Variants in MAP3K20 observed in about 807,000 individuals in gnomAD.
MAP3K20 encodes the protein HCCS-4.
In MAP3K20, 40 loss-of-function variants were observed where a neutral mutation model predicts 85.7. The observed-to-expected ratio is 0.47, with a 90% CI of 0.36 to 0.61. The LOEUF (loss-of-function observed/expected upper bound fraction) is 0.61. Among genes scored for constraint, MAP3K20 ranks in the 20% least tolerant of loss-of-function variants. The pLI is 0.00. For synonymous variants in MAP3K20, 325 were observed against 327.7 expected (o/e 0.99, Z 0.09); for missense variants, 817 against 961.7 (o/e 0.85, Z 1.99).
intron 16 of MAP3K20, among the ~76,000 whole-genome samples, chr2:173,255,621 G>A (rs1385889726): frequency 3.3e-5 from 5 of 152,176 alleles, no homozygotes; most frequent in East Asian, 1.9e-4. Context: ...ACACAGAGCC[G>A]TTCTGACGGT....
At chr2:173,221,419 G>C (rs1426186322) in intron 11 of MAP3K20, 1 of 1,613,956 alleles carries the variant, frequency 6.2e-7, no homozygotes, top group African/African-American at 1.3e-5. Flanking sequence ...AGAGAAGGGG[G>C]AAGAAAGTCA....
At chr2:173,120,345 T>C (rs1337848686) in intron 2 of MAP3K20, among the ~76,000 whole-genome samples, 1 of 152,072 alleles carries the variant, frequency 6.6e-6, no homozygotes, top group East Asian at 1.9e-4. Flanking sequence ...GAACCTCTAT[T>C]CTTGGGCATA....
chr2:173,102,703 T>C (rs75077208), intron 2 of MAP3K20, among the ~76,000 whole-genome samples: 5,326 of 152,260 alleles, frequency 0.035, 337 homozygotes, highest in African/African-American at 0.12. Context: ...TTCCAGAGAT[T>C]GTATTCAGCA....
At chr2:173,256,215 A>G (rs1480259957) in intron 16 of MAP3K20, among the ~76,000 whole-genome samples, 1 of 152,214 alleles carries the variant, frequency 6.6e-6, no homozygotes, top group Admixed American at 6.5e-5. Context: ...GCCTTTCCAT[A>G]TGAATTATGT....
At chr2:173,147,172 A>G (rs1047080874) in intron 2 of MAP3K20, among the ~76,000 whole-genome samples, 1 of 152,162 alleles carries the variant, frequency 6.6e-6, no homozygotes, top group Non-Finnish European at 1.5e-5. Flanking sequence ...CACTTTCTTG[A>G]TAATATCTAT....
chr2:173,183,435 AGATTT>A (rs924224561), intron 4 of MAP3K20, among the ~76,000 whole-genome samples: 2 of 152,196 alleles, frequency 1.3e-5, no homozygotes, highest in African/African-American at 4.8e-5. Context: ...AAAGCAATTC[AGATTT>A]TATTTTACAT....
intron 2 of MAP3K20, among the ~76,000 whole-genome samples, chr2:173,098,500 A>G (rs770925099): frequency 6.6e-6 from 1 of 152,230 alleles, no homozygotes; most frequent in Non-Finnish European, 1.5e-5. Flanking sequence ...TAAGATACAG[A>G]TGAAACATAA....
intron 2 of MAP3K20, among the ~76,000 whole-genome samples, chr2:173,145,465 T>C (rs1260570448): frequency 6.6e-6 from 1 of 152,172 alleles, no homozygotes; most frequent in Non-Finnish European, 1.5e-5. Context: ...GGTAGAGGAT[T>C]AGAATAGTCA....
At chr2:173,220,199 G>A (rs1293208394) in intron 11 of MAP3K20, among the ~76,000 whole-genome samples, 1 of 151,920 alleles carries the variant, frequency 6.6e-6, no homozygotes, top group African/African-American at 2.4e-5. Flanking sequence ...GCCTTGATTT[G>A]CTTGTTTCTC....
intron 10 of MAP3K20, among the ~76,000 whole-genome samples, chr2:173,216,137 G>A (rs1241692095): frequency 2.0e-5 from 3 of 152,196 alleles, no homozygotes; most frequent in Non-Finnish European, 4.4e-5. Context: ...TCAAGGGAAA[G>A]AGCTTCCAGT....
At chr2:173,226,793 C>G (rs1374386326) in intron 11 of MAP3K20, 1 of 983,722 alleles carries the variant, frequency 1.0e-6, no homozygotes, top group Admixed American at 6.2e-5. Flanking sequence ...AATTTTTGTA[C>G]TAAATAATAG....
chr2:173,086,485 C>G (rs1275369324), intron 1 of MAP3K20, among the ~76,000 whole-genome samples: 1 of 152,072 alleles, frequency 6.6e-6, no homozygotes, highest in African/African-American at 2.4e-5. Flanking sequence ...ACTCACATAC[C>G]CTAGATTACT....
At chr2:173,184,378 T>C (rs1160114784) in intron 4 of MAP3K20, among the ~76,000 whole-genome samples, 1 of 152,216 alleles carries the variant, frequency 6.6e-6, no homozygotes, top group Non-Finnish European at 1.5e-5. Flanking sequence ...TTAGAATAGA[T>C]AGACAGCAAA....
At chr2:173,195,188 T>TAAAAA (rs34601946) in intron 7 of MAP3K20, among the ~76,000 whole-genome samples, 7 of 122,808 alleles carry the variant, frequency 5.7e-5, no homozygotes, top group African/African-American at 9.0e-5. Context: ...AGCCTCTCTT[T>TAAAAA]AAAAAAAAAA....
At chr2:173,200,234 A>ATCATTTAAGAAGGTATCT (rs1691003139) in intron 8 of MAP3K20, among the ~76,000 whole-genome samples, 1 of 152,212 alleles carries the variant, frequency 6.6e-6, no homozygotes, top group Non-Finnish European at 1.5e-5. Flanking sequence ...TTTCAACATC[A>ATCATTTAAGAAGGTATCT]TCATTTAAGA....
intron 2 of MAP3K20, among the ~76,000 whole-genome samples, chr2:173,097,533 T>C (rs1687499089): frequency 6.6e-6 from 1 of 152,164 alleles, no homozygotes; most frequent in South Asian, 2.1e-4. Flanking sequence ...TGATACTCAA[T>C]TGAATCAAAA....
intron 8 of MAP3K20, among the ~76,000 whole-genome samples, chr2:173,199,424 G>A (rs994125153): frequency 1.3e-5 from 2 of 152,316 alleles, no homozygotes; most frequent in South Asian, 2.1e-4. Flanking sequence ...AAAAGTGATA[G>A]TAATTCCTCA....
intron 16 of MAP3K20, among the ~76,000 whole-genome samples, chr2:173,253,098 G>A (rs976706960): frequency 2.0e-5 from 3 of 152,024 alleles, no homozygotes; most frequent in East Asian, 1.9e-4. Flanking sequence ...CAAGTGAGAC[G>A]CGCTGACCCA....
At chr2:173,160,873 A>C (rs1866634) in intron 2 of MAP3K20, among the ~76,000 whole-genome samples, 32,488 of 152,120 alleles carry the variant, frequency 0.21, 3,625 homozygotes, top group Admixed American at 0.24. Context: ...TGGCCCCACT[A>C]CTGAGTACCA....
Sources: gnomAD v4.1 joint callset for allele counts (sites outside exome capture counted in the v4.1 genomes callset) on GRCh38, gnomAD v4.1.1 for gene constraint, MANE v1.5 for transcripts, NCBI Gene and HGNC (gene_info 2026-07-23, HGNC 2026-07-21) for gene names.